Variants in KIAA0930 observed in about 807,000 individuals in gnomAD.
The protein encoded by KIAA0930 is KIAA0930.
In KIAA0930, 24 loss-of-function variants were observed where a neutral mutation model predicts 43.9. The observed-to-expected ratio is 0.55, with a 90% confidence interval of 0.40 to 0.77. The LOEUF is 0.77. Among genes scored for constraint, KIAA0930 ranks in the 30% least tolerant of loss-of-function variants. The probability of loss-of-function intolerance (pLI) is 0.00; values close to 1 mark genes in which losing one functional copy is unlikely to be tolerated. For missense variants in KIAA0930, 461 were observed against 574.2 expected, an observed-to-expected ratio of 0.80 and a Z score of 2.02; for synonymous variants, 259 against 216.4, an observed-to-expected ratio of 1.20 and a Z score of -1.73.
At chr22:45,216,878 C>T (rs931889375) in intron 1 of KIAA0930, among the ~76,000 whole-genome samples, 2 of 152,164 alleles carry the variant, frequency 1.3e-5, no homozygotes, top group African/African-American at 4.8e-5. Flanking sequence ...GCCTTCCCTC[C>T]CTTCCCTCCC....
chr22:45,205,458 G>T, intron 4 of KIAA0930, 140 bp from the exon 5 acceptor site: 1 of 919,876 alleles, frequency 1.1e-6, no homozygotes, highest in Non-Finnish European at 1.7e-6. Context: ...TGGGGGATAA[G>T]CTGGTTCTGT....
chr22:45,218,535 G>T (rs2083747810), intron 1 of KIAA0930, among the ~76,000 whole-genome samples: 1 of 151,556 alleles, frequency 6.6e-6, no homozygotes, highest in Admixed American at 6.6e-5. Flanking sequence ...GATCCTCATG[G>T]CAACTTTATG....
intron 6 of KIAA0930, 134 bp from the exon 7 acceptor site, chr22:45,203,318 G>T: frequency 1.2e-6 from 1 of 855,138 alleles, no homozygotes; most frequent in Non-Finnish European, 1.8e-6. Flanking sequence ...GTCTGAGCTG[G>T]CAGGCGGGGC....
intron 1 of KIAA0930, among the ~76,000 whole-genome samples, chr22:45,240,321 G>A (rs1428716422): frequency 6.6e-6 from 1 of 152,272 alleles, no homozygotes; most frequent in African/African-American, 2.4e-5. Context: ...TCCTGGAGAA[G>A]GAAGAAGACC....
rs762063133 is a variant in KIAA0930 at position 45,199,898 on chromosome 22, C to G, written c.990G>C (p.Glu330Asp). Reference sequence around the variant, plus strand: ...CTCCACCGTCGTCCTCCCGGAAGAACTCCTCGCTGTCGTTGGCCGAGTGCG... The same window carrying G: ...CTCCACCGTCGTCCTCCCGGAAGAAGTCCTCGCTGTCGTTGGCCGAGTGCG... Reference protein sequence around the residue: ...KKSHSANDSEEFFREDDGGAD... With the variant: ...KKSHSANDSEDFFREDDGGAD... Residue 330 changes from glutamate to aspartate, a missense_variant, in exon 8 of 10, where the codon GAG (glutamate) becomes GAC (aspartate). Coordinates refer to ENST00000336156, the MANE Select transcript of KIAA0930 (RefSeq NM_001009880.2). 1 of 1,594,464 alleles carries G rather than the reference C, an allele frequency of 6.3e-7. No homozygotes were observed. The highest frequency in any genetic ancestry group is 8.6e-7 in the Non-Finnish European group (1 of 1,166,682).
intron 2 of KIAA0930, among the ~76,000 whole-genome samples, chr22:45,210,212 GA>G (rs1222051484): frequency 1.3e-5 from 2 of 152,208 alleles, no homozygotes; most frequent in Non-Finnish European, 2.9e-5. Context: ...TTGGGGGTGG[GA>G]GAAAAGTTCT....
rs1244216027 is a variant in KIAA0930 at position 45,240,751 on chromosome 22, G to GGGC, written c.-51_-49dup. The GGGC allele has an allele frequency of 9.9e-5, 101 of 1,015,706 alleles. No individual in the cohort carries two copies. The highest frequency in any genetic ancestry group is 2.1e-4 in the East Asian group (4 of 19,298). The allele number at this position is 1,015,706 out of a possible 1,614,324, so 62.9% of individuals were successfully genotyped here. A position where few individuals can be genotyped will look rare whatever the true frequency, so the allele number is the denominator to read the frequency against. On this transcript the variant is annotated 5_prime_UTR_variant, in exon 1 of 10. Coordinates refer to ENST00000336156, the MANE Select transcript of KIAA0930 (RefSeq NM_001009880.2). ...GCCTCGGCGCCGCCCGCAGGCTCGG[G>GGGC]GGCGGCGGCGGCGGGGAGGGCGGGC...
chr22:45,218,465 T>C (rs950473745), intron 1 of KIAA0930, among the ~76,000 whole-genome samples: 1 of 149,468 alleles, frequency 6.7e-6, no homozygotes, highest in African/African-American at 2.5e-5. Context: ...ATTACAGGTG[T>C]GAGCCACTAC....
At chr22:45,213,211 A>G in intron 1 of KIAA0930, 1 of 934,388 alleles carries the variant, frequency 1.1e-6, no homozygotes, top group Non-Finnish European at 1.5e-6. Flanking sequence ...GACGTCAGCC[A>G]CAACACTAAC....
chr22:45,225,322 G>C (rs1401692133), intron 1 of KIAA0930, among the ~76,000 whole-genome samples: 1 of 152,142 alleles, frequency 6.6e-6, no homozygotes, highest in Non-Finnish European at 1.5e-5. Flanking sequence ...ACTTGGGGGA[G>C]GGGAGCTGGA....
rs962603219 is a variant in KIAA0930 at position 45,234,242 on chromosome 22, C to T, written c.64+6398G>A. 3.3e-5 allele frequency among the ~76,000 whole-genome samples: 5 copies of T among 152,148 alleles called. No homozygotes were observed. The East Asian group carries it at 9.6e-4, about 29-fold the overall frequency. On this transcript the variant is annotated intron_variant, in intron 1 of 9. Coordinates refer to ENST00000336156, the MANE Select transcript of KIAA0930 (RefSeq NM_001009880.2). ...CGTGTGGGTGCCGTTGGGGAGCTGG[C>T]CTGGCCTGTGCTCAGGGCTCAGCTC...
intron 1 of KIAA0930, among the ~76,000 whole-genome samples, chr22:45,218,106 G>A (rs938146959): frequency 2.6e-4 from 40 of 152,316 alleles, no homozygotes; most frequent in African/African-American, 9.1e-4. Context: ...GGTTTCAGGA[G>A]CGAGGAACGT....
In KIAA0930 at chr22:45,231,236, A is replaced by AG. The variant is rs1384093492; in HGVS notation, c.64+9403_64+9404insC. Among the ~76,000 whole-genome samples the AG allele has an allele frequency of 3.3e-5, 5 of 151,892 alleles. No individual in the cohort carries two copies. The South Asian group carries it at 8.3e-4, about 25-fold the overall frequency. On this transcript the variant is annotated intron_variant, in intron 1 of 9. Coordinates refer to ENST00000336156, the MANE Select transcript of KIAA0930 (RefSeq NM_001009880.2). ...GACTCCGTCTCAGAAAAAAAAAAAA[A>AG]AAAAGAAAGAAAATACACAGGTTGA...
chr22:45,221,735 T>C (rs562959005), intron 1 of KIAA0930, among the ~76,000 whole-genome samples: 1 of 152,226 alleles, frequency 6.6e-6, no homozygotes, highest in South Asian at 2.1e-4. Context: ...TTTTTGTTGT[T>C]GTTGTTGTTG....
intron 1 of KIAA0930, among the ~76,000 whole-genome samples, chr22:45,223,276 A>T (rs191295875): frequency 3.3e-4 from 50 of 152,362 alleles, no homozygotes; most frequent in African/African-American, 7.5e-4. Context: ...TAAATGAAGC[A>T]AAAAATGGAG....
At chr22:45,235,517 T>C (rs5766577) in intron 1 of KIAA0930, 60,932 of 152,062 alleles carry the variant, frequency 0.4, 13,665 homozygotes, top group South Asian at 0.53. Context: ...GGCCCACAAC[T>C]AGCTCTGACT....
At chr22:45,228,782 A>ATC (rs2083822613) in intron 1 of KIAA0930, among the ~76,000 whole-genome samples, 1 of 19,382 alleles carries the variant, frequency 5.2e-5, no homozygotes, top group African/African-American at 3.2e-4. Context: ...CATCCCCCCC[A>ATC]ACCACCAAAC....
intron 1 of KIAA0930, among the ~76,000 whole-genome samples, chr22:45,239,245 T>G (rs1275603416): frequency 6.6e-6 from 1 of 152,156 alleles, no homozygotes; most frequent in Non-Finnish European, 1.5e-5. Flanking sequence ...GCATCCCAGC[T>G]CAGATATTCG....
At chr22:45,198,647 C>T (rs1017779232) in intron 8 of KIAA0930, among the ~76,000 whole-genome samples, 1 of 152,146 alleles carries the variant, frequency 6.6e-6, no homozygotes. Flanking sequence ...GAATCCTTCA[C>T]GTCGTTTTTT....
Sources: allele counts gnomAD v4.1 joint callset (sites outside exome capture counted in the v4.1 genomes callset), GRCh38; gene constraint gnomAD v4.1.1; transcripts MANE v1.5; gene names NCBI Gene and HGNC (gene_info 2026-07-23, HGNC 2026-07-21).